The following TRPM3 variants were observed in gnomAD, a reference collection of about 807,000 sequenced individuals.
TRPM3 encodes transient receptor potential cation channel subfamily M member 3.
TRPM3 carries 77 observed loss-of-function variants against 181.2 expected under a neutral mutation model. The ratio of observed to expected loss-of-function variants is 0.42; its 90% CI spans 0.35 to 0.51. TRPM3 has a LOEUF of 0.51. Among genes scored for constraint, TRPM3 ranks in the 20% least tolerant of loss-of-function variants. TRPM3 has a pLI of 0.01. For synonymous variants in TRPM3, 745 were observed against 796.4 expected (o/e 0.94, Z 1.09); for missense variants, 1,759 against 2,196.7 (o/e 0.80, Z 3.98).
At chr9:70,925,922 C>T (rs1410568943) in intron 1 of TRPM3, among the ~76,000 whole-genome samples, 1 of 149,704 alleles carries the variant, frequency 6.7e-6, no homozygotes, top group Non-Finnish European at 1.5e-5. Context: ...AGCATCAGTC[C>T]AGATGAGGAC....
At chr9:70,556,036 A>G (rs922043022) in intron 22 of TRPM3, among the ~76,000 whole-genome samples, 6 of 152,192 alleles carry the variant, frequency 3.9e-5, no homozygotes, top group African/African-American at 1.4e-4. Flanking sequence ...CCATGAAGAC[A>G]CTTCCTCCAC....
intron 14 of TRPM3, among the ~76,000 whole-genome samples, chr9:70,622,400 T>C (rs925208051): frequency 6.6e-6 from 1 of 152,236 alleles, no homozygotes; most frequent in African/African-American, 2.4e-5. Context: ...GCCTCTATTA[T>C]CTGGAGACCT....
At chr9:71,229,487 T>A (rs1191692287) in intron 1 of TRPM3, among the ~76,000 whole-genome samples, 2 of 152,046 alleles carry the variant, frequency 1.3e-5, no homozygotes, top group East Asian at 1.9e-4. Context: ...AAAAGCTTCT[T>A]CACAGTAAAG....
chr9:70,636,898 G>T (rs1323865422), intron 11 of TRPM3, among the ~76,000 whole-genome samples: 1 of 152,086 alleles, frequency 6.6e-6, no homozygotes, highest in Non-Finnish European at 1.5e-5. Flanking sequence ...ATGTTGGCCA[G>T]GCTGGTCTCA....
At chr9:71,323,582 T>G (rs2089433552) in intron 1 of TRPM3, among the ~76,000 whole-genome samples, 2 of 152,008 alleles carry the variant, frequency 1.3e-5, no homozygotes, top group Non-Finnish European at 2.9e-5. Context: ...CCCAAACCAA[T>G]GAACACTTCA....
At chr9:71,144,374 T>C (rs2075294889) in intron 1 of TRPM3, among the ~76,000 whole-genome samples, 1 of 152,194 alleles carries the variant, frequency 6.6e-6, no homozygotes, top group Non-Finnish European at 1.5e-5. Flanking sequence ...CAACCTGATC[T>C]ATCTCTGGTT....
At chr9:71,290,736 A>C (rs2085736903) in intron 1 of TRPM3, among the ~76,000 whole-genome samples, 1 of 152,166 alleles carries the variant, frequency 6.6e-6, no homozygotes, top group Admixed American at 6.5e-5. Flanking sequence ...GTCAGGAAGA[A>C]AGTAATTCAC....
At chr9:71,153,901 T>C (rs1422044119) in intron 1 of TRPM3, among the ~76,000 whole-genome samples, 1 of 152,116 alleles carries the variant, frequency 6.6e-6, no homozygotes, top group Non-Finnish European at 1.5e-5. Context: ...TTATTGCACA[T>C]AGTCTAATTT....
intron 22 of TRPM3, among the ~76,000 whole-genome samples, chr9:70,575,001 G>C (rs1318548592): frequency 2.0e-5 from 3 of 151,290 alleles, no homozygotes; most frequent in African/African-American, 7.3e-5. Flanking sequence ...GAGTACAGTG[G>C]CACAATCACA....
chr9:71,067,077 T>G (rs879295949), intron 1 of TRPM3, among the ~76,000 whole-genome samples: 3 of 152,056 alleles, frequency 2.0e-5, no homozygotes, highest in South Asian at 2.1e-4. Flanking sequence ...CCCACATGCA[T>G]AAAAGCACTC....
At chr9:71,100,273 T>C (rs1394169886) in intron 1 of TRPM3, among the ~76,000 whole-genome samples, 5 of 152,250 alleles carry the variant, frequency 3.3e-5, no homozygotes, top group Middle Eastern at 3.4e-3. Flanking sequence ...GCCAAGTCAA[T>C]GTCTTTACCC....
chr9:70,671,115 A>G (rs934998647), intron 9 of TRPM3, among the ~76,000 whole-genome samples: 1 of 152,180 alleles, frequency 6.6e-6, no homozygotes, highest in Non-Finnish European at 1.5e-5. Flanking sequence ...CAATCAGGCC[A>G]TCATCTATTA....
At chr9:70,674,762 C>T (rs773353956) in intron 9 of TRPM3, among the ~76,000 whole-genome samples, 15 of 136,066 alleles carry the variant, frequency 1.1e-4, no homozygotes, top group Non-Finnish European at 2.3e-4. Context: ...GACAAGGTCT[C>T]ACAATGTTGC....
intron 1 of TRPM3, among the ~76,000 whole-genome samples, chr9:71,325,780 A>G (rs1429912136): frequency 6.6e-6 from 1 of 152,090 alleles, no homozygotes; most frequent in Middle Eastern, 3.2e-3. Context: ...ACACAAAGTG[A>G]CGAAGGCTCT....
At chr9:71,161,126 G>C (rs1360563500) in intron 1 of TRPM3, among the ~76,000 whole-genome samples, 1 of 152,092 alleles carries the variant, frequency 6.6e-6, no homozygotes, top group Non-Finnish European at 1.5e-5. Flanking sequence ...TGATGTATTA[G>C]TCTTGGTTTT....
chr9:70,942,383 G>A (rs1240125609), intron 1 of TRPM3, among the ~76,000 whole-genome samples: 1 of 152,186 alleles, frequency 6.6e-6, no homozygotes, highest in African/African-American at 2.4e-5. Flanking sequence ...AATGCATGGA[G>A]TTCAAGAAGA....
chr9:71,266,773 C>T (rs1442854894), intron 1 of TRPM3, among the ~76,000 whole-genome samples: 1 of 152,006 alleles, frequency 6.6e-6, no homozygotes, highest in East Asian at 1.9e-4. Context: ...TTCTCAATTC[C>T]CCCTCTCCTC....
intron 1 of TRPM3, among the ~76,000 whole-genome samples, chr9:71,345,321 C>A (rs1420129095): frequency 6.6e-6 from 1 of 152,092 alleles, no homozygotes; most frequent in Non-Finnish European, 1.5e-5. Context: ...TTCACAATAG[C>A]AAAGACTTGG....
chr9:70,694,533 C>A (rs897637500), intron 8 of TRPM3, among the ~76,000 whole-genome samples: 2 of 152,104 alleles, frequency 1.3e-5, no homozygotes, highest in Admixed American at 1.3e-4. Context: ...CAGGCTGGAG[C>A]ACAGTGGCGC....
Sources: allele counts gnomAD v4.1 joint callset (sites outside exome capture counted in the v4.1 genomes callset), GRCh38; gene constraint gnomAD v4.1.1; transcripts MANE v1.5; gene names NCBI Gene and HGNC (gene_info 2026-07-23, HGNC 2026-07-21).